The following HSPA8 variants were observed in gnomAD, a reference collection of about 807,000 sequenced individuals.
The protein encoded by HSPA8 is heat shock cognate 71 kDa protein.
In HSPA8, 2 loss-of-function variants were observed where a neutral mutation model predicts 52.8. The ratio of observed to expected loss-of-function variants is 0.04; its 90% confidence interval spans 0.02 to 0.12. HSPA8 has a LOEUF of 0.12. Among genes scored for constraint, HSPA8 ranks in the 10% least tolerant of loss-of-function variants. The pLI is 1.00. For synonymous variants in HSPA8, 436 were observed against 274.0 expected (o/e 1.59, Z -5.84); for missense variants, 349 against 800.5 (o/e 0.44, Z 6.81).
At chr11:123,059,423 G>A (rs1565367968) in intron 5 of HSPA8, 50 bp downstream of exon 5, 16 of 1,508,892 alleles carry the variant, frequency 1.1e-5, no homozygotes, top group Non-Finnish European at 1.4e-5. Context: ...ATCACAGCGA[G>A]TCACCTTGGG....
intron 3 of HSPA8, 122 bp downstream of exon 3, chr11:123,060,471 G>A (rs957601349): frequency 1.1e-5 from 10 of 918,096 alleles, no homozygotes; most frequent in African/African-American, 1.0e-4. Context: ...TGTTGGGCAC[G>A]TGGTCTTAAC....
Position 123,057,892 on chromosome 11 carries a change from G to T in HSPA8, c.1783C>A (p.Gln595Lys), listed in dbSNP as rs776255814. The T allele has an allele frequency of 1.1e-5, 18 of 1,610,102 alleles. No homozygotes were observed. Among genetic ancestry groups the T allele is most frequent in the Non-Finnish European group, 1.5e-5 (18 of 1,178,848 alleles). ...QTAEKEEFEH[Q>K]QKELEKVCNP... ...CAAACTTTCTCCAGCTCTTTCTGTT[G>T]ATGTTCAAATTCTTCCTTCTCAGCA... Residue 595 changes from glutamine to lysine, a missense_variant, in exon 9 of 9, where the codon CAA becomes AAA. Gln to Lys is a moderately conservative substitution (Grantham distance 53). Coordinates refer to ENST00000534624, the MANE Select transcript of HSPA8 (RefSeq NM_006597.6).
At position 123,059,042 on chromosome 11, in the gene HSPA8, G is replaced by A. The variant is rs748181328; in HGVS notation, c.1323+17C>T. 1.2e-6 allele frequency: 2 copies of A among 1,603,182 alleles called. No homozygotes were observed. The highest frequency in any genetic ancestry group is 8.5e-7 in the Non-Finnish European group (1 of 1,171,048). The stretch of plus-strand genomic sequence containing the variant: ...TCTGTTATCAGTAAGCCAAACAAGA[G>A]AAGTACAGAAACATACCTGAATAAG... On this transcript the variant is annotated intron_variant, in intron 6 of 8. Transcript: ENST00000534624.
chr11:123,060,261 G>A lies in HSPA8; in HGVS notation c.419C>T (p.Thr140Ile). The A allele has an allele frequency of 6.2e-7, 1 of 1,613,314 alleles. No homozygotes were observed. The highest frequency in any genetic ancestry group is 8.5e-7 in the Non-Finnish European group (1 of 1,179,850). ...IAEAYLGKTV[T>I]NAVVTVPAYF... The stretch of plus-strand genomic sequence containing the variant: ...AGCTGGCACTGTGACCACAGCATTG[G>A]TAACAGTCTAGGAATAAGGAAAAGA... Residue 140 changes from threonine to isoleucine, a missense_variant, in exon 4 of 9, where the codon ACC becomes ATC. Coordinates refer to ENST00000534624, the MANE Select transcript of HSPA8 (RefSeq NM_006597.6).
At chr11:123,061,980 C>CT (rs145277103) in intron 1 of HSPA8, 84 bp downstream of exon 1, 13,422 of 156,076 alleles carry the variant, frequency 0.086, 1,265 homozygotes, top group African/African-American at 0.23. Flanking sequence ...TCTCAGAACC[C>CT]CCAAGCCTCA....
rs554981599 is a variant in HSPA8, at chr11:123,059,421, G to T, written c.1120+52C>A. The T allele has an allele frequency of 6.7e-6, 10 of 1,492,848 alleles. No homozygotes were observed. In the Admixed American group the frequency reaches 1.1e-4, roughly 16 times the overall value. The allele number at this position is 1,492,848 out of a possible 1,614,324, so 92.5% of individuals were successfully genotyped here. A position where few individuals can be genotyped will look rare whatever the true frequency, so the allele number is the denominator to read the frequency against. On this transcript the variant is annotated intron_variant, in intron 5 of 8. Transcript: ENST00000534624. ...ATGTTTAACAATCACTCATCACAGC[G>T]AGTCACCTTGGGCCTGCCTGCCTTT...
rs1408654744 is a variant in HSPA8 at position 123,059,320 on chromosome 11, TG to T, written c.1121-60del. On this transcript the variant is annotated intron_variant, in intron 5 of 8. Transcript: ENST00000534624. Reference sequence around the variant, plus strand: ...AAAAGAAAACCCAGTACATAGCTCCTGTTTTAACTATCACTCGCTCAGACAT... The same window carrying T: ...AAAAGAAAACCCAGTACATAGCTCCTTTTTAACTATCACTCGCTCAGACAT... 2.7e-6 allele frequency: 4 copies of T among 1,467,702 alleles called. No homozygotes were observed. In the African/African-American group the frequency reaches 5.6e-5, roughly 21 times the overall value. 90.9% of individuals were successfully genotyped at this position (1,467,702 alleles called of 1,614,324 possible).
rs1159234618 is a variant in HSPA8, at chr11:123,058,962, C to T, written c.1323+97G>A. 3 of 1,409,420 alleles carry T rather than the reference C, an allele frequency of 2.1e-6. No individual in the cohort carries two copies. The African/African-American group carries it at 4.3e-5, about 20-fold the overall frequency. The allele number at this position is 1,409,420 out of a possible 1,614,324, so 87.3% of individuals were successfully genotyped here. ...CCAACATAAGACTTTCTGGTGGAAACTACGAATGGTTTTGGAATCCATCAT... is the reference window on the plus strand; with the variant it reads ...CCAACATAAGACTTTCTGGTGGAAATTACGAATGGTTTTGGAATCCATCAT... On this transcript the variant is annotated intron_variant, in intron 6 of 8. Transcript: ENST00000534624.
chr11:123,058,209 T>TCC (rs1442703175), intron 8 of HSPA8, 43 bp downstream of exon 8: 6 of 1,155,276 alleles, frequency 5.2e-6, no homozygotes, highest in Non-Finnish European at 7.4e-6. Context: ...CCCCTTCCCC[T>TCC]CCATTGAGTG....
At chr11:123,061,454 C>G in intron 1 of HSPA8, 125 bp from the exon 2 acceptor site, 1 of 732,852 alleles carries the variant, frequency 1.4e-6, no homozygotes, top group Admixed American at 2.3e-5. Flanking sequence ...CCCATCACCT[C>G]CTGTCTAAGC....
At position 123,057,490 on chromosome 11, in the gene HSPA8, T is replaced by G; in HGVS notation, c.*244A>C. On this transcript the variant is annotated 3_prime_UTR_variant, in exon 9 of 9. Coordinates refer to ENST00000534624, the MANE Select transcript of HSPA8 (RefSeq NM_006597.6). Reference sequence around the variant, plus strand: ...AGATTATTTAAAGACTCAAAGCAATTGTATGGTGCCAATTTTAAATAGTTT... The same window carrying G: ...AGATTATTTAAAGACTCAAAGCAATGGTATGGTGCCAATTTTAAATAGTTT... 1 of 398,532 alleles carries G rather than the reference T, an allele frequency of 2.5e-6. No individual in the cohort carries two copies. Among genetic ancestry groups the G allele is most frequent in the Non-Finnish European group, 4.4e-6 (1 of 224,734 alleles). The allele number at this position is 398,532 out of a possible 1,614,324, so 24.7% of individuals were successfully genotyped here.
chr11:123,057,841 G>T lies in HSPA8; in HGVS notation c.1834C>A (p.Gln612Lys). 6.2e-7 allele frequency: 1 copy of T among 1,613,594 alleles called. No individual in the cohort carries two copies. ...VCNPIITKLY[Q>K]SAGGMPGGMP... Reference sequence around the variant, plus strand: ...CCTCCTGGCATGCCTCCTGCACTCTGGTACAGCTTGGTGATGATGGGGTTG... The same window carrying T: ...CCTCCTGGCATGCCTCCTGCACTCTTGTACAGCTTGGTGATGATGGGGTTG... The change falls in exon 9 of 9, where the codon CAG (glutamine) becomes AAG (lysine). Residue 612 changes from glutamine to lysine, a missense_variant. Coordinates refer to ENST00000534624, the MANE Select transcript of HSPA8 (RefSeq NM_006597.6).
At chr11:123,058,935 G>T (rs1348746226) in intron 6 of HSPA8, 105 bp from the exon 7 acceptor site, 2 of 1,392,680 alleles carry the variant, frequency 1.4e-6, no homozygotes, top group Non-Finnish European at 2.0e-6. Flanking sequence ...GGAAGGAACT[G>T]GCCAACATAA....
In HSPA8 at chr11:123,059,603, C is replaced by A; in HGVS notation, c.990G>T (p.Gln330His). The A allele has an allele frequency of 1.2e-6, 2 of 1,614,152 alleles. No individual in the cohort carries two copies. Among genetic ancestry groups the A allele is most frequent in the Non-Finnish European group, 1.7e-6 (2 of 1,180,026 alleles). The change falls in exon 5 of 9, where the codon CAG (glutamine) becomes CAT (histidine). Residue 330 changes from glutamine to histidine, a missense_variant. Transcript: ENST00000534624. ...CACCAACCAGGACAATATCATGAAT[C>A]TGTGACTTGTCTAGTTTGGCATCTC... Reference protein sequence around the residue: ...ALRDAKLDKSQIHDIVLVGGS... With the variant: ...ALRDAKLDKSHIHDIVLVGGS...
chr11:123,058,561 G>A (rs778821670), intron 7 of HSPA8, 71 bp downstream of exon 7: 70 of 1,559,652 alleles, frequency 4.5e-5, no homozygotes, highest in East Asian at 1.1e-4. Context: ...TTAGCTAGAC[G>A]CCCTTAGGCA....
chr11:123,058,914 C>G, intron 6 of HSPA8, 84 bp from the exon 7 acceptor site: 1 of 1,456,398 alleles, frequency 6.9e-7, no homozygotes, highest in Non-Finnish European at 9.6e-7. Flanking sequence ...AATGGTCGCT[C>G]AAACATCCAA....
chr11:123,060,913 A>T (rs1261763316), intron 2 of HSPA8, 115 bp from the exon 3 acceptor site: 2 of 997,234 alleles, frequency 2.0e-6, no homozygotes, highest in Non-Finnish European at 3.1e-6. Flanking sequence ...CAACTACCAT[A>T]TAGGTAGCAA....
Position 123,059,537 on chromosome 11 carries a change from G to A in HSPA8, c.1056C>T (p.Asp352=), listed in dbSNP as rs139484659. 206 of 1,613,936 alleles carry A rather than the reference G, an allele frequency of 1.3e-4. 1 individual carries two copies. In the Middle Eastern group the frequency reaches 1.3e-3, roughly 10 times the overall value. Residue 352 remains aspartate (D), a synonymous_variant, in exon 5 of 9, where the codon GAC becomes GAT. Coordinates refer to ENST00000534624, the MANE Select transcript of HSPA8 (RefSeq NM_006597.6). The stretch of plus-strand genomic sequence containing the variant: ...TATTCAGTTCTTTTCCATTGAAGAA[G>A]TCTTGGAGAAGCTTCTGAATCTTGG... ...RIPKIQKLLQ[D]FFNGKELNKS... is the part of the protein sequence containing the mutation.
intron 5 of HSPA8, 73 bp downstream of exon 5, chr11:123,059,400 T>TTA (rs1555074468): frequency 7.0e-7 from 1 of 1,428,012 alleles, no homozygotes. Context: ...CTACGAATGT[T>TTA]TAACAATCAC....
Sources: gnomAD v4.1 joint callset for allele counts on GRCh38, gnomAD v4.1.1 for gene constraint, MANE v1.5 for transcripts, NCBI Gene and HGNC (gene_info 2026-07-23, HGNC 2026-07-21) for gene names.